The following CACNA1H variants were observed in gnomAD, a reference collection of about 807,000 sequenced individuals.
CACNA1H encodes calcium voltage-gated channel subunit alpha1 H, also known as voltage-dependent T-type calcium channel subunit alpha-1H.
Under a neutral mutation model 192.5 loss-of-function variants are expected in CACNA1H, and 149 were observed. That is an observed-to-expected ratio of 0.77 (90% CI 0.68 to 0.89). CACNA1H has a LOEUF of 0.89. Among genes scored for constraint, CACNA1H ranks in the 40% least tolerant of loss-of-function variants. CACNA1H has a pLI of 0.00. For synonymous variants in CACNA1H, 2,202 were observed against 1,475.2 expected, an observed-to-expected ratio of 1.49 and a Z score of -11.29; for missense variants, 4,257 against 3,423.5, an observed-to-expected ratio of 1.24 and a Z score of -6.08.
At chr16:1,155,577 C>T (rs568303107) in intron 2 of CACNA1H, among the ~76,000 whole-genome samples, 5 of 152,096 alleles carry the variant, frequency 3.3e-5, no homozygotes, top group South Asian at 2.1e-4. Flanking sequence ...GTGTGCAGAC[C>T]GGAGAAGGGA....
intron 2 of CACNA1H, among the ~76,000 whole-genome samples, chr16:1,181,962 G>A (rs1164580139): frequency 6.7e-6 from 1 of 149,734 alleles, no homozygotes; most frequent in Non-Finnish European, 1.5e-5. Flanking sequence ...GCACACGCAT[G>A]CCCCCTCGCA....
Position 1,221,619 on chromosome 16 carries a change from G to A in CACNA1H, c.*625G>A. On this transcript the variant is annotated 3_prime_UTR_variant, in exon 35 of 35. Coordinates refer to ENST00000348261, the MANE Select transcript of CACNA1H (RefSeq NM_021098.3). ...GCGAATCAGGCCTCCCCTACATCTG[G>A]GGGCGTTGGCCGCGAGATTCCCATT... The A allele has an allele frequency of 1.4e-6, 1 of 736,406 alleles. No individual in the cohort carries two copies. The highest frequency in any genetic ancestry group is 2.1e-6 in the Non-Finnish European group (1 of 466,310). 45.6% of individuals were successfully genotyped at this position (736,406 alleles called of 1,614,324 possible). A position where few individuals can be genotyped will look rare whatever the true frequency, so the allele number is the denominator to read the frequency against.
intron 2 of CACNA1H, among the ~76,000 whole-genome samples, chr16:1,163,146 G>A (rs1279169596): frequency 6.6e-6 from 1 of 152,230 alleles, no homozygotes; most frequent in Non-Finnish European, 1.5e-5. Context: ...AGTCTGCCCT[G>A]GGGAGCCGAT....
chr16:1,159,213 G>A (rs949693306), intron 2 of CACNA1H, among the ~76,000 whole-genome samples: 5 of 152,244 alleles, frequency 3.3e-5, no homozygotes, highest in Non-Finnish European at 5.9e-5. Context: ...GGTAGAACGA[G>A]GCTGGCCTGA....
intron 2 of CACNA1H, among the ~76,000 whole-genome samples, chr16:1,169,519 G>C (rs973071862): frequency 1.3e-5 from 2 of 152,210 alleles, no homozygotes; most frequent in South Asian, 2.1e-4. Context: ...GCGTGTCTCG[G>C]GTTCCCCGTG....
Position 1,220,521 on chromosome 16 carries a change from C to T in CACNA1H, c.6589C>T (p.Pro2197Ser), listed in dbSNP as rs746807446. 1.8e-5 allele frequency: 27 copies of T among 1,536,588 alleles called. No individual in the cohort carries two copies. The highest frequency in any genetic ancestry group is 1.8e-4 in the Middle Eastern group (1 of 5,688). The stretch of plus-strand genomic sequence containing the variant: ...CCCCCCCTGCATCTCGGTGGAACCC[C>T]CTGCGGAGGACGAGGGCTCTGCGCG... Reference protein sequence around the residue: ...MSPPCISVEPPAEDEGSARPS... With the variant: ...MSPPCISVEPSAEDEGSARPS... Residue 2197 changes from proline to serine, a missense_variant, in exon 35 of 35, where the codon CCT (proline) becomes TCT (serine). Coordinates refer to ENST00000348261, the MANE Select transcript of CACNA1H (RefSeq NM_021098.3).
chr16:1,178,553 G>A (rs938795005), intron 2 of CACNA1H, among the ~76,000 whole-genome samples: 27 of 152,154 alleles, frequency 1.8e-4, no homozygotes, highest in South Asian at 1.4e-3. Context: ...GACAGCAGCC[G>A]CAGGAGGAGC....
intron 2 of CACNA1H, among the ~76,000 whole-genome samples, chr16:1,163,637 A>G (rs529393206): frequency 1.4e-4 from 22 of 152,352 alleles, no homozygotes; most frequent in African/African-American, 4.3e-4. Context: ...GTCAGCCTGC[A>G]TTAGCGCCTC....
At chr16:1,189,120 T>C (rs1010385111) in intron 2 of CACNA1H, among the ~76,000 whole-genome samples, 3 of 148,552 alleles carry the variant, frequency 2.0e-5, no homozygotes, top group Admixed American at 2.0e-4. Context: ...TGTTCCAGGG[T>C]CCCGAGGGAA....
At chr16:1,191,871 G>T (rs995841075) in intron 2 of CACNA1H, among the ~76,000 whole-genome samples, 1 of 130,744 alleles carries the variant, frequency 7.6e-6, no homozygotes, top group South Asian at 2.4e-4. Flanking sequence ...CAGGGTTTTG[G>T]TGACCCAGCA....
rs1968552974 is a variant in CACNA1H at position 1,205,304 on chromosome 16, A to G, written c.2603+39A>G. 3.2e-6 allele frequency: 5 copies of G among 1,570,030 alleles called. No individual in the cohort carries two copies. The African/African-American group carries it at 4.0e-5, about 13-fold the overall frequency. Reference sequence around the variant, plus strand: ...CTCTCCCCAGGAAGAGGGGCCCGGGAAGCTCCACTCTCTGGCAGAAATCCC... The same window carrying G: ...CTCTCCCCAGGAAGAGGGGCCCGGGGAGCTCCACTCTCTGGCAGAAATCCC... On this transcript the variant is annotated intron_variant, in intron 11 of 34. Coordinates refer to ENST00000348261, the MANE Select transcript of CACNA1H (RefSeq NM_021098.3).
chr16:1,207,251 C>A, intron 13 of CACNA1H, 24 bp from the exon 14 acceptor site: 1 of 1,590,760 alleles, frequency 6.3e-7, no homozygotes, highest in Non-Finnish European at 8.6e-7. Context: ...GGGTGACCAC[C>A]CCAGGCCCCC....
chr16:1,155,291 G>A (rs1596276296), intron 2 of CACNA1H, among the ~76,000 whole-genome samples: 3 of 152,340 alleles, frequency 2.0e-5, no homozygotes, highest in East Asian at 1.9e-4. Flanking sequence ...TGCCCGGGCG[G>A]CCTAGGCCTC....
intron 2 of CACNA1H, among the ~76,000 whole-genome samples, chr16:1,162,313 G>T (rs187444222): frequency 6.6e-5 from 10 of 152,256 alleles, no homozygotes; most frequent in African/African-American, 2.4e-4. Context: ...GCGAGCAGGG[G>T]TGCAGGTGCC....
At chr16:1,163,791 A>G (rs1963468666) in intron 2 of CACNA1H, among the ~76,000 whole-genome samples, 1 of 152,052 alleles carries the variant, frequency 6.6e-6, no homozygotes, top group African/African-American at 2.4e-5. Flanking sequence ...GCCAGTGCTG[A>G]CCTCACACTT....
At chr16:1,154,184 G>T in intron 2 of CACNA1H, 148 bp downstream of exon 2, 1 of 500,116 alleles carries the variant, frequency 2.0e-6, no homozygotes, top group Non-Finnish European at 3.1e-6. Flanking sequence ...CAGGGCAGGG[G>T]CTGGAGGACC....
chr16:1,173,997 G>C (rs1398248386), intron 2 of CACNA1H, among the ~76,000 whole-genome samples: 1 of 152,204 alleles, frequency 6.6e-6, no homozygotes, highest in Non-Finnish European at 1.5e-5. Context: ...GCATTGACCT[G>C]CGTGCACAGT....
In CACNA1H at chr16:1,195,925, G is replaced by C. The variant is rs1966910134; in HGVS notation, c.546-1G>C. The C allele has an allele frequency of 6.2e-7, 1 of 1,612,474 alleles. No individual in the cohort carries two copies. The highest frequency in any genetic ancestry group is 8.5e-7 in the Non-Finnish European group (1 of 1,179,358). ...CTGCTCCCCCTCGGCCCCGCCCCCAGCATGATGGAGTACTCGTTGGACGGA... is the reference window on the plus strand; with the variant it reads ...CTGCTCCCCCTCGGCCCCGCCCCCACCATGATGGAGTACTCGTTGGACGGA... On this transcript the variant is annotated splice_acceptor_variant, in intron 4 of 34. Coordinates refer to ENST00000348261, the MANE Select transcript of CACNA1H (RefSeq NM_021098.3). LOFTEE classifies it high-confidence loss of function.
intron 16 of CACNA1H, among the ~76,000 whole-genome samples, chr16:1,208,621 G>A (rs754451578): frequency 6.6e-6 from 1 of 152,208 alleles, no homozygotes; most frequent in Non-Finnish European, 1.5e-5. Flanking sequence ...GAGGGGAGCA[G>A]TTTTGAAACG....
Sources: gnomAD v4.1 joint callset for allele counts (sites outside exome capture counted in the v4.1 genomes callset) on GRCh38, gnomAD v4.1.1 for gene constraint, MANE v1.5 for transcripts, NCBI Gene and HGNC (gene_info 2026-07-23, HGNC 2026-07-21) for gene names.